MLXIP: variants seen among roughly 807,000 people sequenced by gnomAD.
MLXIP encodes MLX-interacting protein.
A neutral mutation model predicts 87.2 loss-of-function variants in MLXIP; 30 were observed. The ratio of observed to expected loss-of-function variants is 0.34; its 90% CI spans 0.26 to 0.47. MLXIP has a LOEUF of 0.47. Among genes scored for constraint, MLXIP ranks in the 20% least tolerant of loss-of-function variants. The probability of loss-of-function intolerance (pLI) is 1.00; values close to 1 mark genes in which losing one functional copy is unlikely to be tolerated. For missense variants in MLXIP, 1,002 were observed against 1,240.1 expected (o/e 0.81, Z 2.88); for synonymous variants, 530 against 514.0 (o/e 1.03, Z -0.42).
rs573402189 is a variant in MLXIP at position 122,090,403 on chromosome 12, A to G, written c.413+11137A>G. On this transcript the variant is annotated intron_variant, in intron 1 of 16. Coordinates refer to ENST00000319080, the MANE Select transcript of MLXIP (RefSeq NM_014938.6). Reference sequence around the variant, plus strand: ...TCCCAGCTACTCGGGAGGCTGAGGCAGGAGACTCTCTTGAAACCGAGAGGC... The same window carrying G: ...TCCCAGCTACTCGGGAGGCTGAGGCGGGAGACTCTCTTGAAACCGAGAGGC... Among the ~76,000 whole-genome samples the G allele has an allele frequency of 3.3e-5, 5 of 152,154 alleles. No homozygotes were observed. In the East Asian group the frequency reaches 7.7e-4, roughly 24 times the overall value.
chr12:122,129,242 G>A lies in MLXIP; in HGVS notation c.696+16G>A. On this transcript the variant is annotated intron_variant, in intron 4 of 16. Coordinates refer to ENST00000319080, the MANE Select transcript of MLXIP (RefSeq NM_014938.6). ...CAAGAAAAGGGTATCTGGCTGGAGT[G>A]TTCAGGCAGCCCGCCTAGGGAGGGA... The A allele has an allele frequency of 2.5e-6, 4 of 1,593,300 alleles. No homozygotes were observed. Among genetic ancestry groups the A allele is most frequent in the Non-Finnish European group, 3.4e-6 (4 of 1,168,614 alleles).
At chr12:122,083,056 G>A (rs961114626) in intron 1 of MLXIP, among the ~76,000 whole-genome samples, 3 of 152,172 alleles carry the variant, frequency 2.0e-5, no homozygotes, top group African/African-American at 7.2e-5. Flanking sequence ...CTGGCCTTAA[G>A]CAGTCCTTCC....
In MLXIP at chr12:122,138,528, C is replaced by G. The variant is rs370845887; in HGVS notation, c.2361C>G (p.Ile787Met). 6.2e-6 allele frequency: 10 copies of G among 1,612,956 alleles called. No individual in the cohort carries two copies. Among genetic ancestry groups the G allele is most frequent in the Non-Finnish European group, 8.5e-6 (10 of 1,179,586 alleles). ...AGGCCCGGCGGCTGCGGGAGGAGAT[C>G]GAGGAGCTCAATGCCACCATCATGT... The part of the protein sequence containing the change: ...QEEARRLREE[I>M]EELNATIISC... Residue 787 changes from isoleucine (I) to methionine (M), a missense_variant, in exon 14 of 17, where the codon ATC (isoleucine) becomes ATG (methionine). Around this residue, in one of 3 missense-constraint regions of MLXIP, gnomAD observed 746 missense variants for 897.0 expected, o/e 0.83. Transcript: ENST00000319080.
At chr12:122,131,731 T>C (rs529323383) in intron 7 of MLXIP, among the ~76,000 whole-genome samples, 1 of 151,918 alleles carries the variant, frequency 6.6e-6, no homozygotes, top group Admixed American at 6.6e-5. Context: ...CAGCCTGTTT[T>C]AGTCTTTGTT....
rs558849517 is a variant in MLXIP, at chr12:122,104,537, C to A, written c.414-22719C>A. The stretch of plus-strand genomic sequence containing the variant: ...TTGGTAGATGTATTTGATTTATCTT[C>A]AGTTTTCTTGTTTTTGGCTTTACCA... On this transcript the variant is annotated intron_variant, in intron 1 of 16. Coordinates refer to ENST00000319080, the MANE Select transcript of MLXIP (RefSeq NM_014938.6). 1.2e-4 allele frequency among the ~76,000 whole-genome samples: 18 copies of A among 148,162 alleles called. No homozygotes were observed. In the South Asian group the frequency reaches 1.9e-3, roughly 16 times the overall value.
At chr12:122,121,010 G>GTTTTTTTTTTTTTTGTTTTTTTTTT (rs1952772385) in intron 1 of MLXIP, among the ~76,000 whole-genome samples, 1 of 111,910 alleles carries the variant, frequency 8.9e-6, no homozygotes, top group Non-Finnish European at 1.7e-5. Context: ...TGCATGCTTG[G>GTTTTTTTTTTTTTTGTTTTTTTTTT]TTTTTTTTTT....
intron 1 of MLXIP, among the ~76,000 whole-genome samples, chr12:122,097,766 C>T (rs1302046666): frequency 6.6e-6 from 1 of 152,118 alleles, no homozygotes; most frequent in African/African-American, 2.4e-5. Context: ...AATGCCTGCT[C>T]CCAGCTCCCT....
At position 122,126,755 on chromosome 12, in the gene MLXIP, C is replaced by G. The variant is rs539075769; in HGVS notation, c.414-501C>G. On this transcript the variant is annotated intron_variant, in intron 1 of 16. Transcript: ENST00000319080. Reference sequence around the variant, plus strand: ...TGTAGTGAACCCCACATGCTGCCACCGCACACACCAGTTGCTGTGTGACCC... The same window carrying G: ...TGTAGTGAACCCCACATGCTGCCACGGCACACACCAGTTGCTGTGTGACCC... 9.2e-5 allele frequency among the ~76,000 whole-genome samples: 14 copies of G among 152,274 alleles called. No individual in the cohort carries two copies. The East Asian group carries it at 2.7e-3, about 29-fold the overall frequency.
At chr12:122,127,467 C>A in intron 2 of MLXIP, 105 bp downstream of exon 2, 1 of 787,250 alleles carries the variant, frequency 1.3e-6, no homozygotes. Context: ...GTGTTTCTAA[C>A]AGAAGTTCAG....
chr12:122,112,750 C>T (rs1387020720), intron 1 of MLXIP, among the ~76,000 whole-genome samples: 1 of 151,968 alleles, frequency 6.6e-6, no homozygotes, highest in Non-Finnish European at 1.5e-5. Flanking sequence ...GAAGATGGAC[C>T]TTTAGTTTAA....
chr12:122,128,588 G>A (rs1565981396), intron 3 of MLXIP: 1 of 159,084 alleles, frequency 6.3e-6, no homozygotes, highest in African/African-American at 2.4e-5. Context: ...TGTAGGTGAG[G>A]TGATTTGGGC....
At chr12:122,134,889 G>T in intron 9 of MLXIP, 1 of 342,252 alleles carries the variant, frequency 2.9e-6, no homozygotes, top group South Asian at 2.3e-5. Context: ...GGCCAGGCTG[G>T]TCTCGAACTC....
intron 5 of MLXIP, 110 bp downstream of exon 5, chr12:122,129,739 G>A: frequency 7.0e-7 from 1 of 1,418,764 alleles, no homozygotes; most frequent in South Asian, 1.2e-5. Flanking sequence ...GGCCCTCCCT[G>A]GAGTCTCAGG....
At chr12:122,087,548 G>A (rs965921798) in intron 1 of MLXIP, among the ~76,000 whole-genome samples, 37 of 152,338 alleles carry the variant, frequency 2.4e-4, no homozygotes, top group African/African-American at 8.7e-4. Context: ...GCCTTCGCTG[G>A]AGTGAGCTTG....
Position 122,144,418 on chromosome 12 carries a change from CAAAAAAAAAA to C in MLXIP, c.*2621_*2630del, listed in dbSNP as rs201391883. ...GCAACATAACAAGACCCTGTCTCTA[CAAAAAAAAAA>C]AAAAAAAAAAAAAATTTAGCCGTGT... is the stretch of plus-strand genomic sequence containing the variant. On this transcript the variant is annotated 3_prime_UTR_variant, in exon 17 of 17. Transcript: ENST00000319080. 26,339 of 79,460 alleles carry C rather than the reference CAAAAAAAAAA, an allele frequency of 0.33. 2,637 individuals carry two copies. Among genetic ancestry groups the C allele is most frequent in the East Asian group, 0.41 (1,291 of 3,186 alleles). The allele number at this position is 79,460 out of a possible 1,614,324, so 4.9% of individuals were successfully genotyped here.
chr12:122,136,963 C>T (rs541448596), intron 11 of MLXIP: 154 of 152,292 alleles, frequency 1.0e-3, no homozygotes, highest in Non-Finnish European at 2.0e-3. Flanking sequence ...GGAAAGGAAG[C>T]GGAGGCATTT....
chr12:122,097,583 C>T (rs1029267940), intron 1 of MLXIP, among the ~76,000 whole-genome samples: 2 of 150,474 alleles, frequency 1.3e-5, no homozygotes, highest in South Asian at 4.2e-4. Context: ...ACTGCACTCC[C>T]GCCTGGGTGA....
intron 6 of MLXIP, 168 bp downstream of exon 6, chr12:122,130,280 C>G (rs758340896): frequency 3.9e-6 from 1 of 256,366 alleles, no homozygotes; most frequent in African/African-American, 2.3e-5. Flanking sequence ...ACATCCAGGC[C>G]GCACGTACCG....
In MLXIP at chr12:122,146,975, A is replaced by T. The variant is rs1593129195; in HGVS notation, c.*5163A>T. 6.6e-6 allele frequency: 1 copy of T among 152,366 alleles called. No individual in the cohort carries two copies. The highest frequency in any genetic ancestry group is 2.4e-5 in the African/African-American group (1 of 41,574). The allele number at this position is 152,366 out of a possible 1,614,324, so 9.4% of individuals were successfully genotyped here. On this transcript the variant is annotated 3_prime_UTR_variant, in exon 17 of 17. Coordinates refer to ENST00000319080, the MANE Select transcript of MLXIP (RefSeq NM_014938.6). ...ACAGTGCCCCCTTTTCTCTAGCCGA[A>T]TCTTTTTCGAACAGCCCGGGAAAGG... is the stretch of plus-strand genomic sequence containing the variant.
Sources: gnomAD v4.1 joint callset for allele counts (sites outside exome capture counted in the v4.1 genomes callset) on GRCh38, gnomAD v4.1.1 for gene constraint, gnomAD v4.1.1 regional missense constraint, MANE v1.5 for transcripts, NCBI Gene and HGNC (gene_info 2026-07-23, HGNC 2026-07-21) for gene names.